The following HPS5 variants were observed in gnomAD, a reference collection of about 807,000 sequenced individuals.
HPS5 encodes the protein HPS5 biogenesis of lysosomal organelles complex 2 subunit 2.
Under a neutral mutation model 128.0 loss-of-function variants are expected in HPS5, and 83 were observed. That is an observed-to-expected ratio of 0.65 (90% CI 0.54 to 0.78). The LOEUF (loss-of-function observed/expected upper bound fraction) is 0.78. Ranked by LOEUF, HPS5 falls within the 30% of genes least tolerant of loss-of-function variation. The pLI is 0.00. For missense variants in HPS5, 1,281 were observed against 1,326.2 expected (o/e 0.97, Z 0.53); for synonymous variants, 475 against 470.2 (o/e 1.01, Z -0.13).
chr11:18,308,648 C>G (rs1862627674), intron 6 of HPS5, among the ~76,000 whole-genome samples: 1 of 151,996 alleles, frequency 6.6e-6, no homozygotes, highest in African/African-American at 2.4e-5. Flanking sequence ...AACCCAGTCT[C>G]TAAACAAAAT....
At chr11:18,287,387 G>T in intron 18 of HPS5, 148 bp downstream of exon 18, 2 of 820,510 alleles carry the variant, frequency 2.4e-6, no homozygotes, top group South Asian at 3.1e-5. Context: ...GTGGCAGAAT[G>T]TTACAAGGCC....
intron 2 of HPS5, among the ~76,000 whole-genome samples, chr11:18,313,739 C>T (rs964390309): frequency 4.0e-5 from 6 of 151,584 alleles, no homozygotes; most frequent in African/African-American, 1.5e-4. Context: ...TAAAGTGAAA[C>T]CCCGTCTCTA....
intron 14 of HPS5, 95 bp from the exon 15 acceptor site, chr11:18,293,071 C>T (rs1213856655): frequency 4.3e-6 from 4 of 936,910 alleles, no homozygotes; most frequent in Non-Finnish European, 7.0e-6. Flanking sequence ...ACCCAGGCTG[C>T]AGTGCAGTGA....
chr11:18,312,047 G>A, intron 2 of HPS5, 23 bp from the exon 3 acceptor site: 2 of 1,554,820 alleles, frequency 1.3e-6, no homozygotes, highest in Non-Finnish European at 1.8e-6. Flanking sequence ...GAAGAGAAGT[G>A]TGAGATAATC....
intron 2 of HPS5, among the ~76,000 whole-genome samples, chr11:18,317,349 G>A (rs1462694736): frequency 7.3e-5 from 11 of 150,446 alleles, no homozygotes; most frequent in African/African-American, 2.2e-4. Context: ...TCCACCTCCC[G>A]GGTTCAAGTG....
rs774422752 is a variant in HPS5, at chr11:18,295,024, T to G, written c.1780A>C (p.Thr594Pro). 1.2e-6 allele frequency: 2 copies of G among 1,614,184 alleles called. No homozygotes were observed. Among genetic ancestry groups the G allele is most frequent in the South Asian group, 1.1e-5 (1 of 91,086 alleles). Residue 594 changes from threonine to proline, a missense_variant, in exon 14 of 23, where the codon ACT becomes CCT. Coordinates refer to ENST00000349215, the MANE Select transcript of HPS5 (RefSeq NM_181507.2). Reference sequence around the variant, plus strand: ...GATTTATGTGTAAGGGCTTACTCAGTGTCTTCCTCCTTTGGGCAGGTATCT... The same window carrying G: ...GATTTATGTGTAAGGGCTTACTCAGGGTCTTCCTCCTTTGGGCAGGTATCT... Reference protein sequence around the residue: ...SSDTCPKEEDTEEEKEVTSPP... With the variant: ...SSDTCPKEEDPEEEKEVTSPP...
Position 18,286,577 on chromosome 11 carries a change from G to A in HPS5, c.2837+14C>T, listed in dbSNP as rs1187793028. ...AGTAAAGAAAAAAACAAAGAAAGAGGACTTCTTCTGTACCTGGGATAACCT... is the reference window on the plus strand; with the variant it reads ...AGTAAAGAAAAAAACAAAGAAAGAGAACTTCTTCTGTACCTGGGATAACCT... On this transcript the variant is annotated intron_variant, in intron 19 of 22. Coordinates refer to ENST00000349215, the MANE Select transcript of HPS5 (RefSeq NM_181507.2). The A allele has an allele frequency of 6.2e-7, 1 of 1,613,020 alleles. No individual in the cohort carries two copies. The highest frequency in any genetic ancestry group is 8.5e-7 in the Non-Finnish European group (1 of 1,179,362).
chr11:18,304,119 G>A (rs79905963), intron 8 of HPS5, among the ~76,000 whole-genome samples: 3,752 of 152,040 alleles, frequency 0.025, 67 homozygotes, highest in Middle Eastern at 0.048. Context: ...TTTTTAATAT[G>A]CTTTATCTAA....
chr11:18,314,041 C>A (rs1413100088), intron 2 of HPS5, among the ~76,000 whole-genome samples: 1 of 152,040 alleles, frequency 6.6e-6, no homozygotes, highest in Non-Finnish European at 1.5e-5. Context: ...GAAACCCTAT[C>A]TCTAAAAAAT....
chr11:18,312,110 T>C, intron 2 of HPS5, 86 bp from the exon 3 acceptor site: 3 of 1,007,546 alleles, frequency 3.0e-6, no homozygotes, highest in Non-Finnish European at 3.1e-6. Flanking sequence ...TGAGGATTTA[T>C]GCATCAGGCT....
chr11:18,286,475 A>G, intron 19 of HPS5, 116 bp downstream of exon 19: 1 of 1,034,474 alleles, frequency 9.7e-7, no homozygotes, highest in Admixed American at 2.2e-5. Flanking sequence ...CTAGGAGGTC[A>G]AGGCTGCAGG....
At chr11:18,322,155 A>G (rs1175028177), upstream of HPS5, 1 of 152,324 alleles carries the variant, frequency 6.6e-6, no homozygotes, top group African/African-American at 2.4e-5. Context: ...GCGGAACGTG[A>G]ACTTCAGTCT....
chr11:18,283,722 AT>A, intron 21 of HPS5, 72 bp downstream of exon 21: 2 of 998,302 alleles, frequency 2.0e-6, no homozygotes, highest in Non-Finnish European at 1.6e-6. Flanking sequence ...GGTTCACCAA[AT>A]TTTTTTGTTG....
chr11:18,294,996 AG>A (rs1214682062), intron 14 of HPS5, 23 bp downstream of exon 14: 1 of 1,591,198 alleles, frequency 6.3e-7, no homozygotes, highest in African/African-American at 1.3e-5. Flanking sequence ...TAGAATGTAT[AG>A]AGATTTATGT....
chr11:18,313,651 C>A (rs1321039911), intron 2 of HPS5, among the ~76,000 whole-genome samples: 2 of 152,202 alleles, frequency 1.3e-5, no homozygotes, highest in African/African-American at 4.8e-5. Context: ...CGCAGTGGCT[C>A]ACGCCTGTAA....
intron 16 of HPS5, among the ~76,000 whole-genome samples, chr11:18,290,058 A>G (rs1212834237): frequency 6.6e-6 from 1 of 152,204 alleles, no homozygotes; most frequent in Non-Finnish European, 1.5e-5. Context: ...ATTCTCATCA[A>G]TGGAAATGTA....
rs1245157646 is a variant in HPS5, at chr11:18,278,919, T to A, written c.*963A>T. On this transcript the variant is annotated 3_prime_UTR_variant, in exon 23 of 23. Transcript: ENST00000349215. Reference sequence around the variant, plus strand: ...TTTGTTATGGCTTCTTAGAAATAATTTTAAAAAGTGCATGATTCTTGTGGG... The same window carrying A: ...TTTGTTATGGCTTCTTAGAAATAATATTAAAAAGTGCATGATTCTTGTGGG... 1 of 152,492 alleles carries A rather than the reference T, an allele frequency of 6.6e-6. No homozygotes were observed. The highest frequency in any genetic ancestry group is 1.5e-5 in the Non-Finnish European group (1 of 68,046). The allele number at this position is 152,492 out of a possible 1,614,324, so 9.4% of individuals were successfully genotyped here.
Position 18,295,023 on chromosome 11 carries a change from G to A in HPS5, c.1781C>T (p.Thr594Ile). 3 of 1,614,070 alleles carry A rather than the reference G, an allele frequency of 1.9e-6. No homozygotes were observed. The highest frequency in any genetic ancestry group is 2.5e-6 in the Non-Finnish European group (3 of 1,179,982). ...AGATTTATGTGTAAGGGCTTACTCA[G>A]TGTCTTCCTCCTTTGGGCAGGTATC... Reference protein sequence around the residue: ...SSDTCPKEEDTEEEKEVTSPP... With the variant: ...SSDTCPKEEDIEEEKEVTSPP... Residue 594 changes from threonine to isoleucine, a missense_variant, in exon 14 of 23, where the codon ACT becomes ATT. Transcript: ENST00000349215.
At position 18,298,824 on chromosome 11, in the gene HPS5, A is replaced by T. The variant is rs1382808325; in HGVS notation, c.1132T>A (p.Cys378Ser). The T allele has an allele frequency of 1.2e-6, 2 of 1,614,218 alleles. No individual in the cohort carries two copies. The highest frequency in any genetic ancestry group is 3.3e-5 in the Admixed American group (2 of 60,030). Residue 378 changes from cysteine to serine, a missense_variant, in exon 10 of 23, where the codon TGT becomes AGT. Transcript: ENST00000349215. ...GCAATGACAGAATTTTGGAAAAGAC[A>T]GCATGTACGAGCAGCCAAGTTCCAT... ...GLWNLAARTC[C>S]LFQNSVIASR...
Sources: gnomAD v4.1 joint callset for allele counts (sites outside exome capture counted in the v4.1 genomes callset) on GRCh38, gnomAD v4.1.1 for gene constraint, MANE v1.5 for transcripts, NCBI Gene and HGNC (gene_info 2026-07-23, HGNC 2026-07-21) for gene names.